Variants in ARHGAP30 observed in about 807,000 individuals in gnomAD.
The protein encoded by ARHGAP30 is rho GTPase-activating protein 30.
Under a neutral mutation model 72.0 loss-of-function variants are expected in ARHGAP30, and 23 were observed. The ratio of observed to expected loss-of-function variants is 0.32; its 90% CI spans 0.23 to 0.45. The LOEUF is 0.45. Ranked by LOEUF, ARHGAP30 falls within the 20% of genes least tolerant of loss-of-function variation. The probability of loss-of-function intolerance (pLI) is 1.00; values close to 1 mark genes in which losing one functional copy is unlikely to be tolerated. For synonymous variants in ARHGAP30, 576 were observed against 528.2 expected, an observed-to-expected ratio of 1.09 and a Z score of -1.24; for missense variants, 1,319 against 1,383.4, an observed-to-expected ratio of 0.95 and a Z score of 0.74.
intron 10 of ARHGAP30, 35 bp downstream of exon 10, chr1:161,051,279 C>G (rs200660498): frequency 6.5e-7 from 1 of 1,535,756 alleles, no homozygotes; most frequent in East Asian, 2.3e-5. Context: ...GTTCCAGTCC[C>G]CTTTCCTAGT....
chr1:161,063,659 C>T (rs1362797414), intron 1 of ARHGAP30, among the ~76,000 whole-genome samples: 1 of 152,244 alleles, frequency 6.6e-6, no homozygotes, highest in South Asian at 2.1e-4. Flanking sequence ...TAACCTTAAA[C>T]TCTGACTGCC....
At chr1:161,055,807 T>TAAAATAAAAC (rs1235203461) in intron 3 of ARHGAP30, among the ~76,000 whole-genome samples, 22 of 39,504 alleles carry the variant, frequency 5.6e-4, no homozygotes, top group Non-Finnish European at 1.2e-3. Context: ...AATAAAATAA[T>TAAAATAAAAC]AAAATAAAAT....
chr1:161,053,488 CTCTCTCTCTCTCTCT>C, intron 5 of ARHGAP30, 103 bp from the exon 6 acceptor site: 2 of 1,164,252 alleles, frequency 1.7e-6, no homozygotes, highest in East Asian at 3.3e-5. Context: ...CTCTCTCTCT[CTCTCTCTCTCTCTCT>C]CTCGAATGAC....
At chr1:161,053,171 C>T in intron 6 of ARHGAP30, 87 bp downstream of exon 6, 3 of 1,563,202 alleles carry the variant, frequency 1.9e-6, no homozygotes, top group Non-Finnish European at 2.6e-6. Flanking sequence ...GTATGAGACT[C>T]AGCTGAAGTA....
At chr1:161,060,441 A>G (rs921065851) in intron 1 of ARHGAP30, among the ~76,000 whole-genome samples, 2 of 151,886 alleles carry the variant, frequency 1.3e-5, no homozygotes, top group African/African-American at 4.8e-5. Context: ...ACTAAAAACT[A>G]CAAAAACTAC....
intron 2 of ARHGAP30, among the ~76,000 whole-genome samples, chr1:161,058,347 C>G (rs1652042862): frequency 6.6e-6 from 1 of 151,356 alleles, no homozygotes; most frequent in African/African-American, 2.4e-5. Context: ...ATACACAGGC[C>G]AGGGCATGGT....
Position 161,051,522 on chromosome 1 carries a change from T to G in ARHGAP30, c.1212A>C (p.Ala404=). The stretch of plus-strand genomic sequence containing the variant: ...AGATGTGGACACCAGCACAGCGTTC[T>G]GCACGGCTGCTGCCCCCAGCCCGGA... The part of the protein sequence containing the change: ...SAIRAGGSSR[A]ERCAGVHISD... The change falls in exon 10 of 12, where the codon GCA becomes GCC. Residue 404 remains alanine (A), a synonymous_variant. Coordinates refer to ENST00000368013, the MANE Select transcript of ARHGAP30 (RefSeq NM_001025598.2). 2.5e-6 allele frequency: 4 copies of G among 1,614,236 alleles called. No individual in the cohort carries two copies. The highest frequency in any genetic ancestry group is 3.4e-6 in the Non-Finnish European group (4 of 1,180,042).
At chr1:161,062,728 C>CA (rs796868565) in intron 1 of ARHGAP30, among the ~76,000 whole-genome samples, 1,619 of 141,546 alleles carry the variant, frequency 0.011, 29 homozygotes, top group African/African-American at 0.038. Flanking sequence ...GATTCCGTGT[C>CA]AAAAAAAAAA....
At chr1:161,056,809 A>G (rs762863600) in intron 2 of ARHGAP30, among the ~76,000 whole-genome samples, 3 of 152,226 alleles carry the variant, frequency 2.0e-5, no homozygotes, top group Non-Finnish European at 2.9e-5. Flanking sequence ...GTGTAGCAGT[A>G]CAAGGGTCTG....
intron 1 of ARHGAP30, chr1:161,060,270 A>C (rs1571108409): frequency 1.8e-5 from 1 of 55,336 alleles, no homozygotes; most frequent in African/African-American, 1.5e-4. Context: ...ACCCTGTTTC[A>C]AAAAAAAAAA....
At chr1:161,056,256 C>T (rs945124954) in intron 3 of ARHGAP30, 132 bp downstream of exon 3, 19 of 1,293,008 alleles carry the variant, frequency 1.5e-5, no homozygotes, top group Middle Eastern at 2.8e-4. Context: ...GTCTTTTCCC[C>T]GGTAAGTTTT....
chr1:161,059,060 A>G (rs1027261507), intron 2 of ARHGAP30, among the ~76,000 whole-genome samples: 1 of 151,172 alleles, frequency 6.6e-6, no homozygotes, highest in Non-Finnish European at 1.5e-5. Flanking sequence ...ATGGAGTCTC[A>G]CTCTGTCACC....
At chr1:161,053,473 T>A in intron 5 of ARHGAP30, 88 bp from the exon 6 acceptor site, 1 of 945,902 alleles carries the variant, frequency 1.1e-6, no homozygotes, top group Non-Finnish European at 1.4e-6. Context: ...TCTCTCTCTC[T>A]CTCTCTCTCT....
At chr1:161,052,029 ACCACCACCACCACCACCACCACCACC>A (rs1557920967) in intron 9 of ARHGAP30, among the ~76,000 whole-genome samples, 9,269 of 80,288 alleles carry the variant, frequency 0.12, 2,125 homozygotes, top group Admixed American at 0.14. Flanking sequence ...CACCACCACC[ACCACCACCACCACCACCACCACCACC>A]ACCACATACC....
chr1:161,048,278 G>T lies in ARHGAP30; in HGVS notation c.2743C>A (p.Leu915Ile). The change falls in exon 12 of 12, where the codon CTT (leucine) becomes ATT (isoleucine). Residue 915 changes from leucine to isoleucine, a missense_variant. Physicochemically the swap from Leu to Ile is conservative, Grantham distance 5. Coordinates refer to ENST00000368013, the MANE Select transcript of ARHGAP30 (RefSeq NM_001025598.2). ...CGCATGCCCACGCCACCCAGGCCAA[G>T]AGAACAGGGGCATAGACAGCCGTCT... ...SPDGCLCPCSLGLGGVGMRLA... is the reference protein window; with the variant it reads ...SPDGCLCPCSIGLGGVGMRLA... 1 of 1,614,186 alleles carries T rather than the reference G, an allele frequency of 6.2e-7. No individual in the cohort carries two copies. The highest frequency in any genetic ancestry group is 8.5e-7 in the Non-Finnish European group (1 of 1,180,034).
chr1:161,067,300 C>A (rs990221987), intron 1 of ARHGAP30, among the ~76,000 whole-genome samples: 1 of 152,034 alleles, frequency 6.6e-6, no homozygotes, highest in Non-Finnish European at 1.5e-5. Context: ...CGGCCAGGTG[C>A]GGTGGCTCAC....
intron 1 of ARHGAP30, among the ~76,000 whole-genome samples, chr1:161,066,555 G>GA (rs1357249713): frequency 7.0e-6 from 1 of 142,448 alleles, no homozygotes; most frequent in Admixed American, 7.4e-5. Flanking sequence ...GAGGCAGGGA[G>GA]AATTGCTTGA....
intron 2 of ARHGAP30, among the ~76,000 whole-genome samples, chr1:161,058,432 G>T (rs1321085600): frequency 6.6e-6 from 1 of 151,962 alleles, no homozygotes; most frequent in Non-Finnish European, 1.5e-5. Flanking sequence ...TTCAAGAGCA[G>T]CCTGGCTAAC....
At chr1:161,053,038 G>A in intron 6 of ARHGAP30, 1 of 856,938 alleles carries the variant, frequency 1.2e-6, no homozygotes. Context: ...AGCCTTGGGA[G>A]CCAGGATGGT....
Sources: gnomAD v4.1 joint callset for allele counts (sites outside exome capture counted in the v4.1 genomes callset) on GRCh38, gnomAD v4.1.1 for gene constraint, MANE v1.5 for transcripts, NCBI Gene and HGNC (gene_info 2026-07-23, HGNC 2026-07-21) for gene names.